Variants in TMC1 observed in about 807,000 individuals in gnomAD.
TMC1 encodes transmembrane channel-like protein 1.
Under a neutral mutation model 105.8 loss-of-function variants are expected in TMC1, and 84 were observed. That is an observed-to-expected ratio of 0.79 (90% CI 0.67 to 0.95). The LOEUF is 0.95. Ranked by LOEUF, TMC1 falls within the 40% of genes least tolerant of loss-of-function variation. TMC1 has a pLI of 0.00. For synonymous variants in TMC1, 315 were observed against 311.5 expected (o/e 1.01, Z -0.12); for missense variants, 817 against 914.1 (o/e 0.89, Z 1.37).
chr9:72,587,405 A>G (rs1225572783), intron 2 of TMC1, among the ~76,000 whole-genome samples: 1 of 151,908 alleles, frequency 6.6e-6, no homozygotes, highest in Non-Finnish European at 1.5e-5. Flanking sequence ...TGATCCACCC[A>G]CCTCGGTCTC....
chr9:72,536,121 A>G (rs1282469471), intron 1 of TMC1, among the ~76,000 whole-genome samples: 1 of 152,242 alleles, frequency 6.6e-6, no homozygotes, highest in Non-Finnish European at 1.5e-5. Context: ...AACTTGTTCC[A>G]GCATAAACTC....
intron 1 of TMC1, among the ~76,000 whole-genome samples, chr9:72,564,596 T>G (rs924497604): frequency 6.6e-6 from 1 of 152,142 alleles, no homozygotes; most frequent in African/African-American, 2.4e-5. Flanking sequence ...AAACAGATAA[T>G]AGGATAGGTG....
chr9:72,570,979 G>A (rs566129888), intron 1 of TMC1, among the ~76,000 whole-genome samples: 55 of 132,020 alleles, frequency 4.2e-4, no homozygotes, highest in South Asian at 2.1e-3. Context: ...ATGAGCCACC[G>A]CACCCGACCA....
intron 2 of TMC1, among the ~76,000 whole-genome samples, chr9:72,606,941 T>TTATA (rs34944803): frequency 3.5e-4 from 43 of 123,818 alleles, no homozygotes; most frequent in African/African-American, 1.4e-3. Context: ...CTAAGTAGGT[T>TTATA]TATATATATG....
intron 1 of TMC1, among the ~76,000 whole-genome samples, chr9:72,555,533 C>T (rs1352247441): frequency 1.1e-4 from 16 of 152,064 alleles, no homozygotes; most frequent in Non-Finnish European, 2.4e-4. Flanking sequence ...GTTTTCACCA[C>T]ACCCAGATGA....
At chr9:72,687,056 A>G (rs1376565596) in intron 5 of TMC1, among the ~76,000 whole-genome samples, 1 of 152,022 alleles carries the variant, frequency 6.6e-6, no homozygotes, top group South Asian at 2.1e-4. Context: ...TTTTTATTTA[A>G]TATATAATCT....
chr9:72,831,301 A>T (rs1317003204), intron 23 of TMC1, among the ~76,000 whole-genome samples: 1 of 152,298 alleles, frequency 6.6e-6, no homozygotes, highest in South Asian at 2.1e-4. Flanking sequence ...AACTCTTTAC[A>T]TTAGTAGGAC....
intron 4 of TMC1, among the ~76,000 whole-genome samples, chr9:72,640,050 T>C (rs35690554): frequency 0.042 from 6,424 of 152,356 alleles, 196 homozygotes; most frequent in Non-Finnish European, 0.062. Context: ...AATCCAATTT[T>C]TTTTTTAATT....
intron 17 of TMC1, among the ~76,000 whole-genome samples, chr9:72,794,118 C>T (rs1245140645): frequency 6.6e-6 from 1 of 152,050 alleles, no homozygotes; most frequent in African/African-American, 2.4e-5. Context: ...GAACCCCCAG[C>T]TCGGACCCAC....
intron 13 of TMC1, among the ~76,000 whole-genome samples, chr9:72,780,256 A>C (rs1828071971): frequency 6.6e-6 from 1 of 152,232 alleles, no homozygotes; most frequent in African/African-American, 2.4e-5. Flanking sequence ...GAGGTCCTTA[A>C]GGAAGTGCTA....
intron 8 of TMC1, among the ~76,000 whole-genome samples, chr9:72,723,660 G>A (rs1418923330): frequency 6.6e-6 from 1 of 152,160 alleles, no homozygotes; most frequent in Non-Finnish European, 1.5e-5. Context: ...ATTGAGAAAA[G>A]CCAAATGTAA....
chr9:72,654,047 C>A (rs1383659160), intron 5 of TMC1, among the ~76,000 whole-genome samples: 1 of 152,074 alleles, frequency 6.6e-6, no homozygotes, highest in African/African-American at 2.4e-5. Flanking sequence ...AATGGACATT[C>A]CAGTTGTTTT....
chr9:72,609,179 C>CCCTTCCTT (rs60808924), intron 2 of TMC1, among the ~76,000 whole-genome samples: 11,430 of 136,032 alleles, frequency 0.084, 699 homozygotes, highest in African/African-American at 0.15. Flanking sequence ...CTTCCTCCTT[C>CCCTTCCTT]CCTTCCTTCC....
intron 12 of TMC1, among the ~76,000 whole-genome samples, chr9:72,769,298 C>G (rs1311509667): frequency 2.0e-5 from 3 of 152,136 alleles, no homozygotes; most frequent in Non-Finnish European, 4.4e-5. Context: ...CCTTGTCCAA[C>G]AAGATTGTGA....
chr9:72,667,376 T>C (rs1055686197), intron 5 of TMC1, among the ~76,000 whole-genome samples: 2 of 152,322 alleles, frequency 1.3e-5, no homozygotes, highest in African/African-American at 4.8e-5. Context: ...TTCTTCCTGG[T>C]TGCCAGCTCA....
In TMC1 at chr9:72,628,049, G is replaced by A. The variant is rs1331350311; in HGVS notation, c.-67G>A. ...GAGTGGTCTGGTGAATGCTTAAGGAGCTGCAGAAGGGAAGGTAGTGAGGAG... is the reference window on the plus strand; with the variant it reads ...GAGTGGTCTGGTGAATGCTTAAGGAACTGCAGAAGGGAAGGTAGTGAGGAG... On this transcript the variant is annotated 5_prime_UTR_variant, in exon 4 of 24. Transcript: ENST00000297784. 4.4e-6 allele frequency: 2 copies of A among 455,822 alleles called. No homozygotes were observed. The highest frequency in any genetic ancestry group is 1.5e-5 in the South Asian group (1 of 64,542). 28.2% of individuals were successfully genotyped at this position (455,822 alleles called of 1,614,324 possible).
chr9:72,558,916 T>G (rs960649382), intron 1 of TMC1, among the ~76,000 whole-genome samples: 4 of 129,168 alleles, frequency 3.1e-5, no homozygotes, highest in African/African-American at 1.1e-4. Context: ...TTTCAACCAT[T>G]TTTTTTTGTT....
rs1277095236 is a variant in TMC1, at chr9:72,731,502, A to G, written c.363-8617A>G. ...CTTAGAGAAATGAAACAGCATATGTAAAAGCCTGGATGCATTAGAAATCAA... is the reference window on the plus strand; with the variant it reads ...CTTAGAGAAATGAAACAGCATATGTGAAAGCCTGGATGCATTAGAAATCAA... On this transcript the variant is annotated intron_variant, in intron 8 of 23. Transcript: ENST00000297784. Among the ~76,000 whole-genome samples, 3 of 152,342 alleles carry G rather than the reference A, an allele frequency of 2.0e-5. No individual in the cohort carries two copies. The East Asian group carries it at 5.8e-4, about 29-fold the overall frequency.
At chr9:72,712,929 T>C (rs1826859197) in intron 8 of TMC1, among the ~76,000 whole-genome samples, 1 of 152,222 alleles carries the variant, frequency 6.6e-6, no homozygotes, top group Admixed American at 6.5e-5. Context: ...ATAGCTCTTA[T>C]TATTTTGAGA....
Sources: gnomAD v4.1 joint callset for allele counts (sites outside exome capture counted in the v4.1 genomes callset) on GRCh38, gnomAD v4.1.1 for gene constraint, MANE v1.5 for transcripts, NCBI Gene and HGNC (gene_info 2026-07-23, HGNC 2026-07-21) for gene names.